FADS6: variants seen among roughly 807,000 people sequenced by gnomAD.
The protein encoded by FADS6 is fatty acid desaturase domain family, member 6.
Under a neutral mutation model 31.7 loss-of-function variants are expected in FADS6, and 28 were observed. The ratio of observed to expected loss-of-function variants is 0.88; its 90% CI spans 0.66 to 1.21. FADS6 has a LOEUF of 1.21. FADS6 is among the 50% of genes most tolerant of loss of function. The pLI is 0.00. For missense variants in FADS6, 494 were observed against 504.2 expected (o/e 0.98, Z 0.19); for synonymous variants, 191 against 213.1 (o/e 0.90, Z 0.90).
At chr17:74,892,809 C>T (rs893459543) in intron 1 of FADS6, 120 bp from the exon 2 acceptor site, 9 of 1,019,294 alleles carry the variant, frequency 8.8e-6, no homozygotes, top group Non-Finnish European at 1.1e-5. Flanking sequence ...GGGGCTGCCA[C>T]TGGCCGGAGT....
chr17:74,881,253 G>T lies in FADS6; in HGVS notation c.595C>A (p.Arg199=), dbSNP rs373254447. 5 of 1,591,900 alleles carry T rather than the reference G, an allele frequency of 3.1e-6. No individual in the cohort carries two copies. The South Asian group carries it at 4.5e-5, about 14-fold the overall frequency. ...PIATPLVAVE[R]LRKVELGTAL... is the part of the protein sequence containing the mutation. Reference sequence around the variant, plus strand: ...GTCCCGAGCTCCACCTTCCTCAGCCGCTCTGCCATAGAGGGAGGGGACAGG... The same window carrying T: ...GTCCCGAGCTCCACCTTCCTCAGCCTCTCTGCCATAGAGGGAGGGGACAGG... The change falls in exon 4 of 6, where the codon CGG becomes AGG. Residue 199 remains arginine (R), a splice_region_variant and synonymous_variant. Coordinates refer to ENST00000612771, the MANE Select transcript of FADS6 (RefSeq NM_178128.6).
At chr17:74,888,155 C>CGT (rs1491239126) in intron 2 of FADS6, among the ~76,000 whole-genome samples, 1 of 86,310 alleles carries the variant, frequency 1.2e-5, no homozygotes. Flanking sequence ...CACACACACA[C>CGT]GCGCGCGCGC....
At chr17:74,888,301 A>G (rs1006780222) in intron 2 of FADS6, among the ~76,000 whole-genome samples, 4 of 152,176 alleles carry the variant, frequency 2.6e-5, no homozygotes, top group Non-Finnish European at 5.9e-5. Flanking sequence ...CTGTGAATCT[A>G]TAATTATTTT....
rs1444255034 is a variant in FADS6, at chr17:74,884,422, G to T, written c.412-1712C>A. 2.6e-5 allele frequency among the ~76,000 whole-genome samples: 4 copies of T among 152,152 alleles called. No individual in the cohort carries two copies. The East Asian group carries it at 7.7e-4, about 29-fold the overall frequency. On this transcript the variant is annotated intron_variant, in intron 2 of 5. Transcript: ENST00000612771. ...ATATACTTATACAAAAATATTGGTT[G>T]TCTGAAATTCAAATTCATCAATGTG...
intron 2 of FADS6, 121 bp downstream of exon 2, chr17:74,892,402 G>A: frequency 4.1e-6 from 5 of 1,215,402 alleles, no homozygotes; most frequent in South Asian, 1.5e-5. Context: ...CATACCATCA[G>A]CTGCAGCGGC....
intron 2 of FADS6, among the ~76,000 whole-genome samples, chr17:74,887,277 C>T (rs2038633340): frequency 1.3e-5 from 2 of 152,260 alleles, no homozygotes; most frequent in South Asian, 4.1e-4. Context: ...TAGAGACAGG[C>T]TCTCGCTGTG....
chr17:74,877,020 A>G (rs1046229141), downstream of FADS6, among the ~76,000 whole-genome samples: 1 of 152,034 alleles, frequency 6.6e-6, no homozygotes, highest in African/African-American at 2.4e-5. Flanking sequence ...TCTGCCTGGC[A>G]TTGGTAGTTC....
chr17:74,889,888 A>C (rs981334133), intron 2 of FADS6, among the ~76,000 whole-genome samples: 5 of 150,868 alleles, frequency 3.3e-5, no homozygotes, highest in African/African-American at 1.2e-4. Context: ...AAAAAAAAAA[A>C]AAAAAAAGAC....
At chr17:74,882,410 C>G in intron 3 of FADS6, 120 bp downstream of exon 3, 1 of 1,176,674 alleles carries the variant, frequency 8.5e-7, no homozygotes, top group Non-Finnish European at 1.2e-6. Flanking sequence ...GCCATGCTGT[C>G]TCAGCACGTA....
intron 2 of FADS6, 35 bp downstream of exon 2, chr17:74,892,488 A>G (rs765051841): frequency 4.4e-6 from 7 of 1,595,772 alleles, no homozygotes; most frequent in Non-Finnish European, 6.0e-6. Context: ...ACACGGTCCC[A>G]GCAGCTGCCT....
In FADS6 at chr17:74,892,535, A is replaced by G; in HGVS notation, c.399T>C (p.Leu133=). 1.2e-6 allele frequency: 2 copies of G among 1,612,778 alleles called. No individual in the cohort carries two copies. Among genetic ancestry groups the G allele is most frequent in the Non-Finnish European group, 1.7e-6 (2 of 1,179,376 alleles). The change falls in exon 2 of 6, where the codon CTT becomes CTC. Residue 133 remains leucine (L), a synonymous_variant. Transcript: ENST00000612771. ...ESKRWSKIWL[L]FFVEVCTAFT... is the part of the protein sequence containing the mutation. ...CTCCCAGGCTCACCTCCACAAAGAA[A>G]AGCAGCCAGATCTTGCTCCAGCGTT...
intron 2 of FADS6, 63 bp from the exon 3 acceptor site, chr17:74,882,773 C>T: frequency 1.9e-6 from 3 of 1,553,770 alleles, no homozygotes; most frequent in Non-Finnish European, 2.6e-6. Flanking sequence ...CAATGCAGGA[C>T]CTTTGAGAGC....
At position 74,878,320 on chromosome 17, in the gene FADS6, G is replaced by T; in HGVS notation, c.*11C>A. On this transcript the variant is annotated 3_prime_UTR_variant, in exon 6 of 6. Transcript: ENST00000612771. ...AGGGAGGGGCAGGGTGGCTGCACCG[G>T]CCCGGCCTCATTACAGCCCCACAAG... 1 of 1,610,240 alleles carries T rather than the reference G, an allele frequency of 6.2e-7. No individual in the cohort carries two copies. The highest frequency in any genetic ancestry group is 8.5e-7 in the Non-Finnish European group (1 of 1,178,302).
At position 74,878,389 on chromosome 17, in the gene FADS6, C is replaced by T. The variant is rs760788415; in HGVS notation, c.1049G>A (p.Arg350His). ...CTGCACCATGAATTCCTCATAGCGA[C>T]GGAGAAACAGCTGGAAGCGAGCCAG... ...SYLARFQLFL[R>H]RYEEFMVQAP... Residue 350 changes from arginine (R) to histidine (H), a missense_variant, in exon 6 of 6, where the codon CGT (arginine) becomes CAT (histidine). Coordinates refer to ENST00000612771, the MANE Select transcript of FADS6 (RefSeq NM_178128.6). The T allele has an allele frequency of 3.2e-5, 52 of 1,613,878 alleles. No homozygotes were observed. The East Asian group carries it at 8.9e-4, about 28-fold the overall frequency.
chr17:74,893,156 C>A (rs887564189), intron 1 of FADS6, among the ~76,000 whole-genome samples, 196 bp downstream of exon 1: 6 of 141,182 alleles, frequency 4.2e-5, no homozygotes, highest in Non-Finnish European at 9.1e-5. Context: ...ACACCCCAGT[C>A]CAGACTCTCA....
intron 3 of FADS6, among the ~76,000 whole-genome samples, 168 bp from the exon 4 acceptor site, chr17:74,881,423 C>A (rs114270804): frequency 0.021 from 3,189 of 152,292 alleles, 109 homozygotes; most frequent in African/African-American, 0.072. Flanking sequence ...AGAGGCCAGG[C>A]TCGATGGCTC....
downstream of FADS6, among the ~76,000 whole-genome samples, chr17:74,875,089 G>A (rs986655996): frequency 6.6e-6 from 1 of 152,190 alleles, no homozygotes; most frequent in Non-Finnish European, 1.5e-5. Flanking sequence ...CCCATCTAGA[G>A]GCAGTATATC....
chr17:74,882,478 G>C, intron 3 of FADS6, 52 bp downstream of exon 3: 1 of 1,539,872 alleles, frequency 6.5e-7, no homozygotes, highest in Admixed American at 1.9e-5. Context: ...GAGGAGAGCA[G>C]GGGAACTAGG....
chr17:74,882,869 C>T (rs1334268389), intron 2 of FADS6, 159 bp from the exon 3 acceptor site: 2 of 1,497,762 alleles, frequency 1.3e-6, no homozygotes, highest in South Asian at 1.3e-5. Context: ...TGACCATCAA[C>T]TCTCAGGTAT....
Sources: allele counts gnomAD v4.1 joint callset (sites outside exome capture counted in the v4.1 genomes callset), GRCh38; gene constraint gnomAD v4.1.1; transcripts MANE v1.5; gene names NCBI Gene and HGNC (gene_info 2026-07-23, HGNC 2026-07-21).